FAM167A: variants seen among roughly 807,000 people sequenced by gnomAD.
FAM167A encodes family with sequence similarity 167 member A.
FAM167A carries 23 observed loss-of-function variants against 14.9 expected under a neutral mutation model. That is an observed-to-expected ratio of 1.55 (90% CI 1.11 to 2.19). The LOEUF (loss-of-function observed/expected upper bound fraction) is 2.19. Ranked by LOEUF, FAM167A falls within the 30% of genes most tolerant of loss-of-function variation. FAM167A has a pLI of 0.00. For missense variants in FAM167A, 401 were observed against 281.5 expected, an observed-to-expected ratio of 1.42 and a Z score of -3.04; for synonymous variants, 174 against 117.7, an observed-to-expected ratio of 1.48 and a Z score of -3.10.
chr8:11,461,095 G>A (rs946894385), intron 1 of FAM167A, among the ~76,000 whole-genome samples: 1 of 152,194 alleles, frequency 6.6e-6, no homozygotes, highest in Non-Finnish European at 1.5e-5. Context: ...AGAGGCCCTG[G>A]CTCCTGGGAG....
rs181010786 is a variant in FAM167A at position 11,434,748 on chromosome 8, C to T, written c.381+9283G>A. Reference sequence around the variant, plus strand: ...CTGGGTTCCAGTCCTAGTGCAGCCTCTGATGACATGATGACTCTGGACAGG... The same window carrying T: ...CTGGGTTCCAGTCCTAGTGCAGCCTTTGATGACATGATGACTCTGGACAGG... On this transcript the variant is annotated intron_variant, in intron 2 of 2. Transcript: ENST00000284486. The T allele has an allele frequency of 3.4e-3, 940 of 272,694 alleles. 17 individuals are homozygous for T. The highest frequency in any genetic ancestry group is 0.019 in the African/African-American group (868 of 44,914). 16.9% of individuals were successfully genotyped at this position (272,694 alleles called of 1,614,324 possible).
At chr8:11,441,606 T>G (rs934502502) in intron 2 of FAM167A, among the ~76,000 whole-genome samples, 2 of 152,186 alleles carry the variant, frequency 1.3e-5, no homozygotes, top group African/African-American at 4.8e-5. Flanking sequence ...GAGCCTCACC[T>G]GCTACCTCTC....
At chr8:11,427,685 T>C (rs776922127) in intron 2 of FAM167A, among the ~76,000 whole-genome samples, 1 of 152,224 alleles carries the variant, frequency 6.6e-6, no homozygotes, top group Non-Finnish European at 1.5e-5. Flanking sequence ...TATGCACTTG[T>C]ACAGATCTCT....
chr8:11,474,837 TGA>T (rs932753954), intron 1 of FAM167A: 1 of 130,978 alleles, frequency 7.6e-6, no homozygotes, highest in East Asian at 2.2e-4. Flanking sequence ...AGGAGGAAGA[TGA>T]GGAGGCAGAG....
intron 1 of FAM167A, among the ~76,000 whole-genome samples, chr8:11,446,163 C>T (rs1258706641): frequency 6.6e-6 from 1 of 152,144 alleles, no homozygotes; most frequent in Non-Finnish European, 1.5e-5. Flanking sequence ...AGCAGGACCA[C>T]CTCGCGGTGT....
intron 2 of FAM167A, among the ~76,000 whole-genome samples, chr8:11,430,236 C>A (rs970731747): frequency 1.3e-5 from 2 of 152,204 alleles, no homozygotes; most frequent in Admixed American, 6.5e-5. Flanking sequence ...AATTAGGGCA[C>A]AGAACTTGTT....
chr8:11,437,569 C>T (rs1179503787), intron 2 of FAM167A, among the ~76,000 whole-genome samples: 1 of 152,202 alleles, frequency 6.6e-6, no homozygotes, highest in Non-Finnish European at 1.5e-5. Context: ...TTTTCCAGTG[C>T]ACTCTTGACC....
intron 1 of FAM167A, among the ~76,000 whole-genome samples, chr8:11,451,582 G>A (rs191905988): frequency 1.8e-3 from 276 of 152,340 alleles, no homozygotes; most frequent in Non-Finnish European, 3.2e-3. Context: ...CAGGCAGGCC[G>A]TGCAGCCTTC....
At chr8:11,433,764 A>G (rs1437393328) in intron 2 of FAM167A, among the ~76,000 whole-genome samples, 4 of 152,184 alleles carry the variant, frequency 2.6e-5, no homozygotes, top group Non-Finnish European at 5.9e-5. Flanking sequence ...TGCTGAAAAG[A>G]GGGTGCGTGT....
intron 1 of FAM167A, among the ~76,000 whole-genome samples, chr8:11,459,098 C>T (rs539861032): frequency 6.6e-6 from 1 of 152,342 alleles, no homozygotes; most frequent in South Asian, 2.1e-4. Context: ...CTCTATTTCT[C>T]ATTTATACAG....
chr8:11,444,134 G>A lies in FAM167A; in HGVS notation c.278C>T (p.Pro93Leu), dbSNP rs761723234. The change falls in exon 2 of 3, where the codon CCT becomes CTT. Residue 93 changes from proline (P) to leucine (L), a missense_variant. Physicochemically the swap from Pro to Leu is moderately conservative, Grantham distance 98. Coordinates refer to ENST00000284486, the MANE Select transcript of FAM167A (RefSeq NM_053279.3). ...ACCTTGGCTGGCACTCCTGGCAGAA[G>A]GGGGGTGCTGCCCAGCCTCTCTCAG... Reference protein sequence around the residue: ...LPLREAGQHPPSARSASQGAR... With the variant: ...LPLREAGQHPLSARSASQGAR... 3.3e-5 allele frequency: 53 copies of A among 1,612,956 alleles called. 1 individual carries two copies. The South Asian group carries it at 5.6e-4, about 17-fold the overall frequency.
chr8:11,430,520 T>C (rs1805507987), intron 2 of FAM167A, among the ~76,000 whole-genome samples: 1 of 152,218 alleles, frequency 6.6e-6, no homozygotes, highest in Admixed American at 6.5e-5. Flanking sequence ...AACCACTGAA[T>C]TGCTATTTCA....
chr8:11,430,261 G>A (rs1805486484), intron 2 of FAM167A, among the ~76,000 whole-genome samples: 1 of 152,248 alleles, frequency 6.6e-6, no homozygotes, highest in Non-Finnish European at 1.5e-5. Context: ...GGGAAGAGAT[G>A]TCATTGGTCG....
At chr8:11,429,921 T>C (rs1805458263) in intron 2 of FAM167A, among the ~76,000 whole-genome samples, 1 of 152,102 alleles carries the variant, frequency 6.6e-6, no homozygotes, top group South Asian at 2.1e-4. Flanking sequence ...TGGCAGAAAA[T>C]ATGAACTACG....
chr8:11,431,276 G>T (rs1432950027), intron 2 of FAM167A, among the ~76,000 whole-genome samples: 1 of 152,256 alleles, frequency 6.6e-6, no homozygotes, highest in African/African-American at 2.4e-5. Context: ...TATGCTAAGT[G>T]AATTAGCCAG....
At position 11,444,540 on chromosome 8, in the gene FAM167A, G is replaced by A; in HGVS notation, c.-129C>T. On this transcript the variant is annotated 5_prime_UTR_variant, in exon 2 of 3. Transcript: ENST00000284486. Reference sequence around the variant, plus strand: ...GGTGCCCGAGGGCATTTCCGGGACAGGAGCCGGCCTCAGAGGCTGGGTGGC... The same window carrying A: ...GGTGCCCGAGGGCATTTCCGGGACAAGAGCCGGCCTCAGAGGCTGGGTGGC... 2 of 1,475,796 alleles carry A rather than the reference G, an allele frequency of 1.4e-6. No individual in the cohort carries two copies. Among genetic ancestry groups the A allele is most frequent in the Non-Finnish European group, 1.8e-6 (2 of 1,120,962 alleles). 91.4% of individuals were successfully genotyped at this position (1,475,796 alleles called of 1,614,324 possible). A position where few individuals can be genotyped will look rare whatever the true frequency, so the allele number is the denominator to read the frequency against.
chr8:11,474,167 G>A (rs1474773222), intron 1 of FAM167A, among the ~76,000 whole-genome samples: 2 of 152,328 alleles, frequency 1.3e-5, no homozygotes, highest in South Asian at 4.1e-4. Context: ...GAGCCACCGT[G>A]CCCGGCCAAC....
intron 2 of FAM167A, among the ~76,000 whole-genome samples, chr8:11,437,567 T>C (rs752847156): frequency 6.6e-6 from 1 of 152,232 alleles, no homozygotes; most frequent in Non-Finnish European, 1.5e-5. Flanking sequence ...CTTTTTCCAG[T>C]GCACTCTTGA....
chr8:11,445,379 C>T, intron 1 of FAM167A: 3 of 985,958 alleles, frequency 3.0e-6, no homozygotes, highest in Non-Finnish European at 3.6e-6. Context: ...CCAGGTCTTA[C>T]TCTACGCTCC....
Sources: gnomAD v4.1 joint callset for allele counts (sites outside exome capture counted in the v4.1 genomes callset) on GRCh38, gnomAD v4.1.1 for gene constraint, MANE v1.5 for transcripts, NCBI Gene and HGNC (gene_info 2026-07-23, HGNC 2026-07-21) for gene names.